The following DLC1 variants were observed in gnomAD, a reference collection of about 807,000 sequenced individuals.
DLC1 encodes rho GTPase-activating protein 7.
A neutral mutation model predicts 140.3 loss-of-function variants in DLC1; 54 were observed. The observed-to-expected ratio is 0.38, with a 90% CI of 0.31 to 0.48. DLC1 has a LOEUF of 0.48. DLC1 is among the 20% of genes least tolerant of loss of function. DLC1 has a pLI of 0.96. For missense variants in DLC1, 2,536 were observed against 1,907.0 expected (o/e 1.33, Z -6.14); for synonymous variants, 986 against 728.1 (o/e 1.35, Z -5.70).
intron 5 of DLC1, among the ~76,000 whole-genome samples, chr8:13,156,595 C>T (rs868793041): frequency 6.6e-6 from 1 of 152,312 alleles, no homozygotes; most frequent in Middle Eastern, 3.4e-3. Context: ...TCCCTTCCTT[C>T]CAGGGCGTAA....
intron 4 of DLC1, among the ~76,000 whole-genome samples, chr8:13,349,436 G>A (rs889839643): frequency 2.0e-5 from 3 of 152,114 alleles, no homozygotes; most frequent in Non-Finnish European, 4.4e-5. Context: ...AAAAATGGAA[G>A]CAAAGGTAAC....
chr8:13,306,003 C>T (rs1307685665), intron 4 of DLC1, among the ~76,000 whole-genome samples: 2 of 152,252 alleles, frequency 1.3e-5, no homozygotes, highest in East Asian at 1.9e-4. Flanking sequence ...TTTTTCTGTG[C>T]ACACAAGTGA....
intron 5 of DLC1, among the ~76,000 whole-genome samples, chr8:13,144,412 C>T (rs7836406): frequency 0.03 from 4,510 of 152,214 alleles, 221 homozygotes; most frequent in African/African-American, 0.1. Context: ...CTCCACCTTG[C>T]GGATGGTGTA....
At chr8:13,113,192 T>C (rs954400125) in intron 6 of DLC1, among the ~76,000 whole-genome samples, 2 of 152,236 alleles carry the variant, frequency 1.3e-5, no homozygotes, top group South Asian at 2.1e-4. Flanking sequence ...AGTTTACTGA[T>C]GTATAGAAGA....
intron 5 of DLC1, among the ~76,000 whole-genome samples, chr8:13,183,329 C>G (rs1476098549): frequency 6.6e-6 from 1 of 152,170 alleles, no homozygotes; most frequent in African/African-American, 2.4e-5. Flanking sequence ...CCTGATTGCC[C>G]TGGCCAGAAC....
At chr8:13,353,916 A>C (rs1012419458) in intron 4 of DLC1, among the ~76,000 whole-genome samples, 2 of 152,094 alleles carry the variant, frequency 1.3e-5, no homozygotes, top group East Asian at 3.9e-4. Flanking sequence ...CTATGAGTCA[A>C]TGGCATAGTT....
At position 13,484,580 on chromosome 8, in the gene DLC1, C is replaced by T. The variant is rs574718149; in HGVS notation, c.1023+14469G>A. ...CTTAAGGAAAGGATGGAACCGAACA[C>T]GAGTGATGGCTATTGGTTACAACTC... On this transcript the variant is annotated intron_variant, in intron 2 of 17. Transcript: ENST00000276297. Among the ~76,000 whole-genome samples the T allele has an allele frequency of 7.2e-4, 110 of 152,138 alleles. No homozygotes were observed. In the Middle Eastern group the frequency reaches 0.01, roughly 14 times the overall value.
intron 1 of DLC1, among the ~76,000 whole-genome samples, chr8:13,579,404 A>T (rs1243661788): frequency 1.7e-5 from 1 of 58,732 alleles, no homozygotes; most frequent in African/African-American, 6.2e-5. Flanking sequence ...TTATATATTT[A>T]ATATATTATA....
chr8:13,362,986 C>G (rs988539155), intron 4 of DLC1, among the ~76,000 whole-genome samples: 9 of 152,202 alleles, frequency 5.9e-5, no homozygotes, highest in Non-Finnish European at 1.3e-4. Flanking sequence ...TCCCTTATCA[C>G]AATGCGTGCA....
intron 5 of DLC1, among the ~76,000 whole-genome samples, chr8:13,210,955 C>T (rs1228348797): frequency 6.6e-6 from 1 of 152,162 alleles, no homozygotes; most frequent in Non-Finnish European, 1.5e-5. Flanking sequence ...TCAGCTTTCT[C>T]ATTCTTCTAG....
intron 5 of DLC1, among the ~76,000 whole-genome samples, chr8:13,175,300 C>T (rs1329549325): frequency 2.7e-5 from 3 of 112,764 alleles, no homozygotes; most frequent in African/African-American, 3.6e-5. Context: ...GTGATGCCTC[C>T]AGCTTTTTTT....
intron 6 of DLC1, 144 bp downstream of exon 6, chr8:13,115,442 G>A (rs1287408873): frequency 6.8e-6 from 5 of 737,020 alleles, no homozygotes; most frequent in Non-Finnish European, 1.1e-5. Flanking sequence ...TTCAGCGGTG[G>A]GGGTCTTGCA....
chr8:13,256,865 T>C (rs1474381666), intron 5 of DLC1, among the ~76,000 whole-genome samples: 1 of 141,956 alleles, frequency 7.0e-6, no homozygotes, highest in Admixed American at 7.2e-5. Context: ...GTTCTGCACA[T>C]GTATCCCAGA....
intron 4 of DLC1, among the ~76,000 whole-genome samples, chr8:13,374,905 C>T (rs1168269196): frequency 2.6e-5 from 4 of 152,164 alleles, no homozygotes; most frequent in Non-Finnish European, 4.4e-5. Context: ...TGAAGAGGTC[C>T]TTCACATCCC....
At chr8:13,413,256 A>ATTTTTTGTTTTTTTTTTTTTT (rs1837875836) in intron 2 of DLC1, among the ~76,000 whole-genome samples, 1 of 82,006 alleles carries the variant, frequency 1.2e-5, no homozygotes, top group Non-Finnish European at 2.3e-5. Context: ...TTTTTTTGCG[A>ATTTTTTGTTTTTTTTTTTTTT]TTTTTTTTTT....
intron 5 of DLC1, among the ~76,000 whole-genome samples, chr8:13,165,794 C>A (rs532532674): frequency 8.0e-4 from 122 of 152,244 alleles, no homozygotes; most frequent in Middle Eastern, 6.8e-3. Flanking sequence ...AGTCTTGTGG[C>A]CTTGACTAGC....
chr8:13,579,270 G>A (rs58850026), intron 1 of DLC1, among the ~76,000 whole-genome samples: 480 of 11,666 alleles, frequency 0.041, 8 homozygotes, highest in South Asian at 0.063. Flanking sequence ...ATATATATAT[G>A]CACATATCTA....
intron 1 of DLC1, among the ~76,000 whole-genome samples, chr8:13,588,402 T>C (rs1391512851): frequency 2.0e-5 from 3 of 152,066 alleles, no homozygotes; most frequent in African/African-American, 7.2e-5. Flanking sequence ...GTGAATATAT[T>C]CATTCCACAG....
In DLC1 at chr8:13,499,953, A is replaced by C. The variant is rs995339537; in HGVS notation, c.119T>G (p.Leu40Trp). The change falls in exon 2 of 18, where the codon TTG becomes TGG. Residue 40 changes from leucine (L) to tryptophan (W), a missense_variant. Transcript: ENST00000276297. ...ACHHGLVADSLQASMEKDATL... is the reference protein window; with the variant it reads ...ACHHGLVADSWQASMEKDATL... ...TGCATCTTTTTCCATACTTGCCTGC[A>C]AGCTGTCAGCTACTAGTCCATGATG... The C allele has an allele frequency of 6.8e-6, 11 of 1,613,986 alleles. No individual in the cohort carries two copies. The highest frequency in any genetic ancestry group is 9.3e-6 in the Non-Finnish European group (11 of 1,180,006).
Sources: gnomAD v4.1 joint callset for allele counts (sites outside exome capture counted in the v4.1 genomes callset) on GRCh38, gnomAD v4.1.1 for gene constraint, MANE v1.5 for transcripts, NCBI Gene and HGNC (gene_info 2026-07-23, HGNC 2026-07-21) for gene names.